The following CREM variants were observed in gnomAD, a reference collection of about 807,000 sequenced individuals.
The protein encoded by CREM is cAMP responsive element modulator, also known as cAMP-responsive element modulator.
In CREM, 13 loss-of-function variants were observed where a neutral mutation model predicts 37.3. That is an observed-to-expected ratio of 0.35 (90% CI 0.23 to 0.55). CREM has a LOEUF of 0.55. Ranked by LOEUF, CREM falls within the 20% of genes least tolerant of loss-of-function variation. The probability of loss-of-function intolerance (pLI) is 0.88; values close to 1 mark genes in which losing one functional copy is unlikely to be tolerated. For missense variants in CREM, 296 were observed against 362.3 expected (o/e 0.82, Z 1.49); for synonymous variants, 124 against 120.2 (o/e 1.03, Z -0.21).
At chr10:35,136,538 A>G (rs903558835) in intron 1 of CREM, among the ~76,000 whole-genome samples, 5 of 152,270 alleles carry the variant, frequency 3.3e-5, no homozygotes, top group Middle Eastern at 6.8e-3. Context: ...TCTTGTCCCT[A>G]TGCTGGGGGC....
At chr10:35,198,119 T>A (rs2095268371) in intron 6 of CREM, among the ~76,000 whole-genome samples, 1 of 152,192 alleles carries the variant, frequency 6.6e-6, no homozygotes, top group Non-Finnish European at 1.5e-5. Context: ...GGTCTACAGC[T>A]TACAGTTTGA....
intron 3 of CREM, chr10:35,152,297 A>C (rs1374788206): frequency 6.6e-6 from 1 of 152,346 alleles, no homozygotes; most frequent in East Asian, 1.9e-4. Flanking sequence ...GCTAATCAAG[A>C]ATATACTATG....
chr10:35,134,113 CTCGGCT>C (rs2089995924), intron 1 of CREM, among the ~76,000 whole-genome samples: 7 of 147,912 alleles, frequency 4.7e-5, no homozygotes, highest in Non-Finnish European at 1.5e-5. Flanking sequence ...ATGGTGCTAT[CTCGGCT>C]CACTGCAATT....
intron 6 of CREM, among the ~76,000 whole-genome samples, chr10:35,203,403 G>GT (rs1236755751): frequency 2.0e-5 from 3 of 152,056 alleles, no homozygotes; most frequent in Non-Finnish European, 2.9e-5. Context: ...AAAAAAACAA[G>GT]TTTTTTGTGG....
chr10:35,144,013 T>C (rs535513578), intron 2 of CREM, among the ~76,000 whole-genome samples: 1 of 152,250 alleles, frequency 6.6e-6, no homozygotes, highest in South Asian at 2.1e-4. Context: ...ATCTTAGTGA[T>C]TTGAGTGTGA....
intron 5 of CREM, among the ~76,000 whole-genome samples, chr10:35,186,979 A>G (rs1301397377): frequency 3.2e-5 from 3 of 94,614 alleles, no homozygotes. Flanking sequence ...TATATATTAT[A>G]TGTGATATAT....
At chr10:35,166,335 G>A (rs2093553903) in intron 3 of CREM, among the ~76,000 whole-genome samples, 1 of 152,096 alleles carries the variant, frequency 6.6e-6, no homozygotes, top group Non-Finnish European at 1.5e-5. Flanking sequence ...GGCCAAGGCG[G>A]GTAGATTACC....
intron 1 of CREM, among the ~76,000 whole-genome samples, chr10:35,128,272 T>TA (rs1452461551): frequency 6.6e-6 from 1 of 152,184 alleles, no homozygotes; most frequent in Non-Finnish European, 1.5e-5. Context: ...AATTGGGACT[T>TA]ACAGGGCCAG....
Position 35,194,036 on chromosome 10 carries a change from G to T in CREM, c.598+5648G>T, listed in dbSNP as rs1261029564. On this transcript the variant is annotated intron_variant, in intron 6 of 7. Transcript: ENST00000685392. ...CATTTGAACCCAGGAGGCGGAGGTT[G>T]CAGTGAGCCAAGATTGCACCTTTGT... Among the ~76,000 whole-genome samples the T allele has an allele frequency of 4.3e-5, 6 of 140,884 alleles. No homozygotes were observed. The East Asian group carries it at 6.7e-4, about 16-fold the overall frequency. 92.4% of individuals were successfully genotyped at this position (140,884 alleles called of 152,430 possible).
chr10:35,202,909 A>G (rs1466126297), intron 6 of CREM, among the ~76,000 whole-genome samples: 2 of 152,180 alleles, frequency 1.3e-5, no homozygotes, highest in Admixed American at 1.3e-4. Flanking sequence ...GTTTTTAAGA[A>G]TTCTTATTTT....
chr10:35,207,150 T>C (rs1183671861), intron 7 of CREM, 99 bp downstream of exon 7: 3 of 1,297,176 alleles, frequency 2.3e-6, no homozygotes, highest in East Asian at 2.7e-5. Context: ...CCCAGCACTT[T>C]GGGAGGCCAA....
chr10:35,138,199 T>G (rs1395905676), intron 2 of CREM, among the ~76,000 whole-genome samples: 1 of 152,246 alleles, frequency 6.6e-6, no homozygotes, highest in African/African-American at 2.4e-5. Flanking sequence ...TTATTCTTCC[T>G]CCCGGCCTTT....
chr10:35,176,101 G>A (rs2094059196), intron 3 of CREM: 12 of 1,420,138 alleles, frequency 8.4e-6, no homozygotes, highest in South Asian at 3.0e-5. Flanking sequence ...GTGCTTATAC[G>A]CAAATCTTTT....
rs111993113 is a variant in CREM, at chr10:35,130,857, C to T, written c.-55+3664C>T. On this transcript the variant is annotated intron_variant, in intron 1 of 7. Coordinates refer to ENST00000685392, the MANE Select transcript of CREM (RefSeq NM_183011.2). ...GCCTAATATTTCTAAGAATGTATCCCCATTATTAAGTGAAGCATAACTAAT... is the reference window on the plus strand; with the variant it reads ...GCCTAATATTTCTAAGAATGTATCCTCATTATTAAGTGAAGCATAACTAAT... Among the ~76,000 whole-genome samples, 5 of 152,178 alleles carry T rather than the reference C, an allele frequency of 3.3e-5. 1 individual carries two copies. The highest frequency in any genetic ancestry group is 1.2e-4 in the African/African-American group (5 of 41,500).
chr10:35,162,888 G>T (rs1055130744), intron 3 of CREM, among the ~76,000 whole-genome samples: 1 of 152,134 alleles, frequency 6.6e-6, no homozygotes, highest in African/African-American at 2.4e-5. Flanking sequence ...GCAAATCATG[G>T]CCACCAGAAA....
At chr10:35,190,051 C>T (rs1357978561) in intron 6 of CREM, among the ~76,000 whole-genome samples, 1 of 152,156 alleles carries the variant, frequency 6.6e-6, no homozygotes, top group Non-Finnish European at 1.5e-5. Flanking sequence ...CCCCCATACT[C>T]ATGGACCATA....
At chr10:35,199,735 G>A (rs895825848) in intron 6 of CREM, among the ~76,000 whole-genome samples, 6 of 152,048 alleles carry the variant, frequency 3.9e-5, no homozygotes, top group African/African-American at 1.4e-4. Context: ...CAGAATCCTC[G>A]GGTTCTGCTC....
Position 35,187,191 on chromosome 10 carries a change from AT to A in CREM, c.410-1007del, listed in dbSNP as rs1390705532. ...TATATTAATATTAATATATAAATAT[AT>A]TAATATATAATATATATTATATATT... On this transcript the variant is annotated intron_variant, in intron 5 of 7. Coordinates refer to ENST00000685392, the MANE Select transcript of CREM (RefSeq NM_183011.2). Among the ~76,000 whole-genome samples the A allele has an allele frequency of 2.3e-3, 168 of 74,350 alleles. 4 individuals are homozygous for A. Among genetic ancestry groups the A allele is most frequent in the African/African-American group, 5.9e-3 (122 of 20,772 alleles). The allele number at this position is 74,350 out of a possible 152,430, so 48.8% of individuals were successfully genotyped here. A position where few individuals can be genotyped will look rare whatever the true frequency, so the allele number is the denominator to read the frequency against.
intron 1 of CREM, among the ~76,000 whole-genome samples, chr10:35,129,223 A>C (rs1387441284): frequency 6.6e-6 from 1 of 152,216 alleles, no homozygotes; most frequent in Non-Finnish European, 1.5e-5. Flanking sequence ...CAGTATATGA[A>C]TAAATTTTTA....
Sources: gnomAD v4.1 joint callset for allele counts (sites outside exome capture counted in the v4.1 genomes callset) on GRCh38, gnomAD v4.1.1 for gene constraint, MANE v1.5 for transcripts, NCBI Gene and HGNC (gene_info 2026-07-23, HGNC 2026-07-21) for gene names.